The following SPRED1 variants were observed in gnomAD, a reference collection of about 807,000 sequenced individuals.
SPRED1 encodes the protein sprouty related EVH1 domain containing 1.
In SPRED1, 18 loss-of-function variants were observed where a neutral mutation model predicts 52.3. The observed-to-expected ratio is 0.34, with a 90% CI of 0.24 to 0.51. The LOEUF is 0.51. Ranked by LOEUF, SPRED1 falls within the 20% of genes least tolerant of loss-of-function variation. The pLI is 0.97. For synonymous variants in SPRED1, 155 were observed against 179.7 expected (o/e 0.86, Z 1.10); for missense variants, 485 against 551.0 (o/e 0.88, Z 1.20).
intron 2 of SPRED1, among the ~76,000 whole-genome samples, chr15:38,307,291 C>T (rs543931049): frequency 1.4e-4 from 22 of 152,188 alleles, no homozygotes; most frequent in Middle Eastern, 6.8e-3. Flanking sequence ...CTTGGGCTGC[C>T]GTAACAAAAT....
At chr15:38,273,202 T>C (rs1009057529) in intron 1 of SPRED1, among the ~76,000 whole-genome samples, 3 of 152,234 alleles carry the variant, frequency 2.0e-5, no homozygotes, top group African/African-American at 7.2e-5. Context: ...AATTTTTGTA[T>C]ATGGCTGGGA....
intron 5 of SPRED1, 83 bp downstream of exon 5, chr15:38,339,978 T>A: frequency 6.5e-7 from 1 of 1,543,068 alleles, no homozygotes; most frequent in South Asian, 1.1e-5. Context: ...GTTAAAACCA[T>A]CTGCCCTTTA....
rs1014001368 is a variant in SPRED1 at position 38,252,871 on chromosome 15, T to G, written c.-315T>G. ...ACCCCAGTGGCTGGAGGAGCAGCTCTCCAGTCAGCCTTTGCAGCCCCTCTC... is the reference window on the plus strand; with the variant it reads ...ACCCCAGTGGCTGGAGGAGCAGCTCGCCAGTCAGCCTTTGCAGCCCCTCTC... On this transcript the variant is annotated 5_prime_UTR_variant, in exon 1 of 7. Transcript: ENST00000299084. 4.3e-6 allele frequency: 2 copies of G among 464,364 alleles called. No homozygotes were observed. Among genetic ancestry groups the G allele is most frequent in the Non-Finnish European group, 7.9e-6 (2 of 251,956 alleles). The allele number at this position is 464,364 out of a possible 1,614,324, so 28.8% of individuals were successfully genotyped here.
rs779747902 is a variant in SPRED1, at chr15:38,298,558, TCAGA to T, written c.33-812_33-809del. 7 of 302,246 alleles carry T rather than the reference TCAGA, an allele frequency of 2.3e-5. No individual in the cohort carries two copies. In the East Asian group the frequency reaches 8.9e-4, roughly 38 times the overall value. 18.7% of individuals were successfully genotyped at this position (302,246 alleles called of 1,614,324 possible). ...CACAAAACAACATGAGAGAAAGAAG[TCAGA>T]CAAAAAGAGTACAAATGGTAATTCT... On this transcript the variant is annotated intron_variant, in intron 1 of 6. Transcript: ENST00000299084.
intron 3 of SPRED1, among the ~76,000 whole-genome samples, chr15:38,322,702 G>T (rs2140995141): frequency 6.6e-6 from 1 of 151,814 alleles, no homozygotes; most frequent in East Asian, 1.9e-4. Flanking sequence ...AAGGAAGAGG[G>T]AATAGAAATG....
At chr15:38,341,959 A>G (rs1332255461) in intron 5 of SPRED1, among the ~76,000 whole-genome samples, 1 of 149,726 alleles carries the variant, frequency 6.7e-6, no homozygotes, top group Non-Finnish European at 1.5e-5. Flanking sequence ...CGCTTTCACA[A>G]TAGGTTTTTT....
At chr15:38,322,072 A>C (rs1298475756) in intron 2 of SPRED1, among the ~76,000 whole-genome samples, 169 bp from the exon 3 acceptor site, 1 of 152,136 alleles carries the variant, frequency 6.6e-6, no homozygotes, top group East Asian at 1.9e-4. Context: ...TTTTTATTCC[A>C]TCTTAATCTC....
At chr15:38,316,762 T>C (rs1284190638) in intron 2 of SPRED1, among the ~76,000 whole-genome samples, 4 of 146,482 alleles carry the variant, frequency 2.7e-5, no homozygotes, top group Admixed American at 6.9e-5. Context: ...TTTTTTTTTT[T>C]TTTTTTTTTT....
intron 2 of SPRED1, among the ~76,000 whole-genome samples, chr15:38,317,106 G>A (rs550774153): frequency 1.3e-5 from 2 of 151,940 alleles, no homozygotes; most frequent in Admixed American, 6.6e-5. Context: ...TTTTATGAAT[G>A]TCCTTCATTA....
chr15:38,278,490 A>G (rs1331068214), intron 1 of SPRED1, among the ~76,000 whole-genome samples: 1 of 152,164 alleles, frequency 6.6e-6, no homozygotes, highest in African/African-American at 2.4e-5. Context: ...CTCCTCCTCC[A>G]AAAAAGAAAG....
chr15:38,297,402 G>A (rs781213268), intron 1 of SPRED1, among the ~76,000 whole-genome samples: 4 of 152,164 alleles, frequency 2.6e-5, no homozygotes, highest in African/African-American at 4.8e-5. Flanking sequence ...GATGCATATT[G>A]TGTTTATAGT....
rs775334473 is a variant in SPRED1 at position 38,299,503 on chromosome 15, T to C, written c.163T>C (p.Cys55Arg). The C allele has an allele frequency of 1.4e-5, 23 of 1,613,916 alleles. No individual in the cohort carries two copies. In the South Asian group the frequency reaches 2.5e-4, roughly 18 times the overall value. ...FKVPHQEENG[C>R]ADFFIRGERL... ...AGTCCCTCATCAGGAAGAGAATGGC[T>C]GTGCTGACTTTTTTATCCGTGGAGA... The change falls in exon 2 of 7, where the codon TGT becomes CGT. Residue 55 changes from cysteine (C) to arginine (R), a missense_variant. Physicochemically the swap from Cys to Arg is radical, Grantham distance 180. Transcript: ENST00000299084.
chr15:38,261,650 T>C (rs943844192), intron 1 of SPRED1, among the ~76,000 whole-genome samples: 1 of 152,216 alleles, frequency 6.6e-6, no homozygotes, highest in Non-Finnish European at 1.5e-5. Flanking sequence ...CTCGGCTCAC[T>C]GCAAGCTCCG....
At chr15:38,284,777 T>C (rs913679272) in intron 1 of SPRED1, among the ~76,000 whole-genome samples, 3 of 152,124 alleles carry the variant, frequency 2.0e-5, no homozygotes, top group Non-Finnish European at 4.4e-5. Context: ...ACCTACTAAA[T>C]GTTTGTATGC....
chr15:38,309,270 A>G (rs1895314524), intron 2 of SPRED1, among the ~76,000 whole-genome samples: 1 of 152,072 alleles, frequency 6.6e-6, no homozygotes, highest in Admixed American at 6.5e-5. Flanking sequence ...CCTCCCAGGT[A>G]GCTGGGACCA....
intron 1 of SPRED1, among the ~76,000 whole-genome samples, chr15:38,289,804 G>A (rs765385600): frequency 6.6e-6 from 1 of 152,184 alleles, no homozygotes; most frequent in Non-Finnish European, 1.5e-5. Context: ...TGAAAGGAAC[G>A]CAGCACTGCC....
At chr15:38,326,153 G>A (rs1895707012) in intron 4 of SPRED1, 1 of 152,158 alleles carries the variant, frequency 6.6e-6, no homozygotes, top group African/African-American at 2.4e-5. Flanking sequence ...AAACCATATT[G>A]GAAAATGGAA....
intron 1 of SPRED1, among the ~76,000 whole-genome samples, chr15:38,269,176 T>G (rs1202597202): frequency 6.6e-6 from 1 of 152,166 alleles, no homozygotes; most frequent in Non-Finnish European, 1.5e-5. Context: ...TCTCCTAACC[T>G]TGTGATCTGC....
chr15:38,275,492 T>C (rs1026706442), intron 1 of SPRED1, among the ~76,000 whole-genome samples: 1 of 152,130 alleles, frequency 6.6e-6, no homozygotes, highest in Admixed American at 6.6e-5. Flanking sequence ...ATGAGGCTGG[T>C]GGTATTATTA....
Sources: allele counts gnomAD v4.1 joint callset (sites outside exome capture counted in the v4.1 genomes callset), GRCh38; gene constraint gnomAD v4.1.1; transcripts MANE v1.5; gene names NCBI Gene and HGNC (gene_info 2026-07-23, HGNC 2026-07-21).